RIMS1: variants seen among roughly 807,000 people sequenced by gnomAD.
RIMS1 encodes regulating synaptic membrane exocytosis 1.
In RIMS1, 83 loss-of-function variants were observed where a neutral mutation model predicts 214.1. That is an observed-to-expected ratio of 0.39 (90% CI 0.32 to 0.47). The LOEUF is 0.47. RIMS1 is among the 20% of genes least tolerant of loss of function. RIMS1 has a pLI of 0.99. For missense variants in RIMS1, 2,050 were observed against 2,161.8 expected (o/e 0.95, Z 1.03); for synonymous variants, 793 against 786.8 (o/e 1.01, Z -0.13).
intron 26 of RIMS1, among the ~76,000 whole-genome samples, chr6:72,294,692 T>C (rs1052362181): frequency 9.9e-5 from 15 of 151,752 alleles, no homozygotes; most frequent in Admixed American, 6.6e-4. Context: ...ATTTATACCA[T>C]AAAGGCAGTA....
chr6:71,978,503 A>G (rs1267568154), intron 2 of RIMS1, among the ~76,000 whole-genome samples: 1 of 152,096 alleles, frequency 6.6e-6, no homozygotes, highest in Non-Finnish European at 1.5e-5. Flanking sequence ...GAAGAAACTG[A>G]TTTTTAAAAT....
intron 27 of RIMS1, among the ~76,000 whole-genome samples, chr6:72,310,554 G>C (rs927912871): frequency 1.3e-5 from 2 of 152,030 alleles, no homozygotes; most frequent in Non-Finnish European, 2.9e-5. Flanking sequence ...AGAGTGATGT[G>C]ATGGGTTTTG....
intron 2 of RIMS1, among the ~76,000 whole-genome samples, chr6:72,081,424 G>A (rs544865632): frequency 1.3e-4 from 20 of 152,140 alleles, no homozygotes; most frequent in East Asian, 9.7e-4. Context: ...AATTAAATGC[G>A]GTTCAAATTC....
chr6:71,933,603 A>G (rs1441989626), intron 1 of RIMS1, among the ~76,000 whole-genome samples: 1 of 151,996 alleles, frequency 6.6e-6, no homozygotes, highest in Non-Finnish European at 1.5e-5. Context: ...TACCAGTGGC[A>G]GAGAGAAGAG....
chr6:72,096,890 G>A, intron 2 of RIMS1, 59 bp from the exon 3 acceptor site: 1 of 1,369,322 alleles, frequency 7.3e-7, no homozygotes, highest in Non-Finnish European at 1.0e-6. Flanking sequence ...TGTTTTGTTT[G>A]TTCTTGGTTT....
rs1834728681 is a variant in RIMS1 at position 72,086,615 on chromosome 6, G to C, written c.246-10334G>C. ...TACTCCCAGAGCCTTAAGGAGTGTG[G>C]GTTGTGCAACAGACCTCAGTAGATG... On this transcript the variant is annotated intron_variant, in intron 2 of 33. Transcript: ENST00000521978. Among the ~76,000 whole-genome samples, 3 of 152,238 alleles carry C rather than the reference G, an allele frequency of 2.0e-5. 1 individual carries two copies. The South Asian group carries it at 6.2e-4, about 32-fold the overall frequency.
chr6:72,186,780 C>T (rs1046038616), intron 6 of RIMS1, among the ~76,000 whole-genome samples: 1 of 11,844 alleles, frequency 8.4e-5, no homozygotes, highest in Non-Finnish European at 1.8e-4. Flanking sequence ...TATATATGTA[C>T]CCCCCCCCAT....
intron 2 of RIMS1, among the ~76,000 whole-genome samples, chr6:71,987,721 T>C (rs1019894090): frequency 6.6e-6 from 1 of 152,120 alleles, no homozygotes; most frequent in Non-Finnish European, 1.5e-5. Context: ...AACAAAGATA[T>C]GTAGACTGGG....
Position 72,118,714 on chromosome 6 carries a change from A to T in RIMS1, c.471+18728A>T, listed in dbSNP as rs367638996. Reference sequence around the variant, plus strand: ...TGATACATCACATATACAGAAGTAAAACAAAAATCATATGATTATCTCAAT... The same window carrying T: ...TGATACATCACATATACAGAAGTAATACAAAAATCATATGATTATCTCAAT... On this transcript the variant is annotated intron_variant, in intron 4 of 33. Coordinates refer to ENST00000521978, the MANE Select transcript of RIMS1 (RefSeq NM_014989.7). Among the ~76,000 whole-genome samples, 24 of 151,880 alleles carry T rather than the reference A, an allele frequency of 1.6e-4. No homozygotes were observed. The East Asian group carries it at 4.4e-3, about 28-fold the overall frequency.
At chr6:72,191,720 G>GTGTT (rs560655312) in intron 6 of RIMS1, among the ~76,000 whole-genome samples, 77 of 152,352 alleles carry the variant, frequency 5.1e-4, no homozygotes, top group Non-Finnish European at 8.1e-4. Context: ...ACCAGGAGAT[G>GTGTT]TGTTAATTTG....
At chr6:71,892,420 T>C (rs1351311966) in intron 1 of RIMS1, among the ~76,000 whole-genome samples, 1 of 152,066 alleles carries the variant, frequency 6.6e-6, no homozygotes, top group Non-Finnish European at 1.5e-5. Flanking sequence ...GATTCTGGAG[T>C]CCAGAGAACA....
At chr6:72,174,495 TA>T (rs1254354877) in intron 4 of RIMS1, among the ~76,000 whole-genome samples, 1 of 152,158 alleles carries the variant, frequency 6.6e-6, no homozygotes, top group African/African-American at 2.4e-5. Context: ...TTTTACCAAA[TA>T]ATTTGATTTT....
At chr6:71,972,269 C>T (rs1198127062) in intron 2 of RIMS1, among the ~76,000 whole-genome samples, 2 of 152,134 alleles carry the variant, frequency 1.3e-5, no homozygotes, top group Admixed American at 6.6e-5. Flanking sequence ...CCATTGGTGG[C>T]ATTTACCATA....
At chr6:72,132,356 T>C (rs1170840649) in intron 4 of RIMS1, among the ~76,000 whole-genome samples, 1 of 152,232 alleles carries the variant, frequency 6.6e-6, no homozygotes, top group Non-Finnish European at 1.5e-5. Flanking sequence ...TCTTCTGCCA[T>C]GGCTTCAGTC....
chr6:72,398,551 GTATGT>G (rs2098804665), intron 32 of RIMS1, among the ~76,000 whole-genome samples: 1 of 152,174 alleles, frequency 6.6e-6, no homozygotes, highest in Non-Finnish European at 1.5e-5. Context: ...GTGTTAGGAA[GTATGT>G]TATAATATTT....
At chr6:72,274,973 G>A (rs1212196544) in intron 23 of RIMS1, among the ~76,000 whole-genome samples, 1 of 150,976 alleles carries the variant, frequency 6.6e-6, no homozygotes, top group Non-Finnish European at 1.5e-5. Flanking sequence ...CAGGGCTAAG[G>A]GGTCAGTCCC....
intron 1 of RIMS1, 82 bp from the exon 2 acceptor site, chr6:71,968,901 T>C: frequency 5.9e-6 from 8 of 1,367,492 alleles, no homozygotes; most frequent in African/African-American, 1.4e-5. Flanking sequence ...TAGAGTGTTT[T>C]TCAGTACCGT....
intron 2 of RIMS1, among the ~76,000 whole-genome samples, chr6:72,089,054 G>A (rs1218077002): frequency 6.6e-6 from 1 of 152,058 alleles, no homozygotes; most frequent in Admixed American, 6.6e-5. Flanking sequence ...ACAGTGGAAG[G>A]AATTAAGCAA....
At chr6:71,944,546 T>A (rs1269327951) in intron 1 of RIMS1, among the ~76,000 whole-genome samples, 1 of 151,880 alleles carries the variant, frequency 6.6e-6, no homozygotes, top group Non-Finnish European at 1.5e-5. Flanking sequence ...GTGAAGTGGG[T>A]GTTAGAGAGA....
Sources: allele counts gnomAD v4.1 joint callset (sites outside exome capture counted in the v4.1 genomes callset), GRCh38; gene constraint gnomAD v4.1.1; transcripts MANE v1.5; gene names NCBI Gene and HGNC (gene_info 2026-07-23, HGNC 2026-07-21).